NTRK2: variants seen among roughly 807,000 people sequenced by gnomAD.
The protein encoded by NTRK2 is BDNF/NT-3 growth factors receptor.
NTRK2 carries 13 observed loss-of-function variants against 94.5 expected under a neutral mutation model. The ratio of observed to expected loss-of-function variants is 0.14; its 90% CI spans 0.09 to 0.22. NTRK2 has a LOEUF of 0.22. Ranked by LOEUF, NTRK2 falls within the 10% of genes least tolerant of loss-of-function variation. The pLI is 1.00. For synonymous variants in NTRK2, 372 were observed against 407.4 expected (o/e 0.91, Z 1.05); for missense variants, 639 against 1,071.2 (o/e 0.60, Z 5.63).
At chr9:84,951,986 C>T (rs561501866) in intron 16 of NTRK2, among the ~76,000 whole-genome samples, 2 of 152,302 alleles carry the variant, frequency 1.3e-5, no homozygotes, top group African/African-American at 4.8e-5. Context: ...AAACACATGT[C>T]TTTGCTTGCA....
At chr9:84,961,717 A>C (rs2133052237) in intron 17 of NTRK2, among the ~76,000 whole-genome samples, 1 of 152,358 alleles carries the variant, frequency 6.6e-6, no homozygotes, top group South Asian at 2.1e-4. Flanking sequence ...CCTAGGCTCT[A>C]CTTTGAGGAG....
At chr9:84,970,478 C>T (rs1427066021) in intron 17 of NTRK2, among the ~76,000 whole-genome samples, 2 of 152,066 alleles carry the variant, frequency 1.3e-5, no homozygotes, top group African/African-American at 4.8e-5. Flanking sequence ...TTAAATAGTG[C>T]CTACCTCATA....
chr9:84,869,180 A>T (rs1227113993), intron 14 of NTRK2, among the ~76,000 whole-genome samples: 1 of 152,150 alleles, frequency 6.6e-6, no homozygotes, highest in African/African-American at 2.4e-5. Context: ...CTTAATCTGG[A>T]GTCTGTGGAG....
At chr9:84,858,443 C>G (rs1176192340) in intron 12 of NTRK2, among the ~76,000 whole-genome samples, 1 of 152,054 alleles carries the variant, frequency 6.6e-6, no homozygotes, top group Non-Finnish European at 1.5e-5. Context: ...CCCCAACCCC[C>G]CTTCCAGCTG....
In NTRK2 at chr9:84,888,368, C is replaced by T. The variant is rs77328641; in HGVS notation, c.1633+20937C>T. Among the ~76,000 whole-genome samples the T allele has an allele frequency of 4.7e-3, 717 of 151,718 alleles. 12 individuals carry two copies. The highest frequency in any genetic ancestry group is 0.037 in the Admixed American group (569 of 15,236). On this transcript the variant is annotated intron_variant, in intron 14 of 18. Transcript: ENST00000277120. ...AGGCAGAAAGTGGCAGAGAACACTT[C>T]GGGAGGACATGGCGGGTGGATCACA...
chr9:84,978,257 T>C (rs1444671064), intron 17 of NTRK2, among the ~76,000 whole-genome samples: 2 of 152,148 alleles, frequency 1.3e-5, no homozygotes, highest in East Asian at 3.9e-4. Context: ...TGCCAAGTTG[T>C]GAATGCAAAG....
At chr9:84,891,996 T>C (rs1285941233) in intron 14 of NTRK2, among the ~76,000 whole-genome samples, 1 of 151,838 alleles carries the variant, frequency 6.6e-6, no homozygotes, top group African/African-American at 2.4e-5. Context: ...AGCTGCAGAG[T>C]ATGGTTTTAG....
chr9:84,916,606 C>G (rs1379952365), intron 14 of NTRK2, among the ~76,000 whole-genome samples: 1 of 152,176 alleles, frequency 6.6e-6, no homozygotes, highest in Non-Finnish European at 1.5e-5. Context: ...ACAGTGGACT[C>G]CAGATCCCAT....
At chr9:84,792,962 G>T (rs1442184967) in intron 12 of NTRK2, among the ~76,000 whole-genome samples, 2 of 152,126 alleles carry the variant, frequency 1.3e-5, no homozygotes, top group African/African-American at 4.8e-5. Context: ...GCTACATAAT[G>T]TGTAGCTGTA....
chr9:85,008,591 C>T (rs951556786), intron 17 of NTRK2, among the ~76,000 whole-genome samples: 5 of 152,068 alleles, frequency 3.3e-5, no homozygotes, highest in East Asian at 1.9e-4. Context: ...AGAGGTAAGA[C>T]GTAATAAGTA....
At chr9:84,981,148 T>A (rs534088771) in intron 17 of NTRK2, among the ~76,000 whole-genome samples, 1 of 152,360 alleles carries the variant, frequency 6.6e-6, no homozygotes, top group South Asian at 2.1e-4. Flanking sequence ...TGGTGCAATC[T>A]CAGCTAATTG....
chr9:84,984,949 A>G (rs1309661290), intron 17 of NTRK2, among the ~76,000 whole-genome samples: 1 of 152,248 alleles, frequency 6.6e-6, no homozygotes, highest in Non-Finnish European at 1.5e-5. Context: ...TAAAACAGTG[A>G]AACTGTGGAG....
At chr9:84,807,884 A>G (rs889911639) in intron 12 of NTRK2, among the ~76,000 whole-genome samples, 5 of 152,190 alleles carry the variant, frequency 3.3e-5, no homozygotes, top group Non-Finnish European at 7.3e-5. Context: ...ACAGTATGGG[A>G]AGATCAAGGG....
intron 17 of NTRK2, among the ~76,000 whole-genome samples, chr9:84,993,508 T>C (rs1428971373): frequency 1.3e-5 from 2 of 152,230 alleles, no homozygotes; most frequent in African/African-American, 4.8e-5. Context: ...GCCATCAAAC[T>C]TTCTGGGCAG....
At chr9:84,959,442 G>A (rs1431589332) in intron 17 of NTRK2, among the ~76,000 whole-genome samples, 1 of 152,192 alleles carries the variant, frequency 6.6e-6, no homozygotes, top group East Asian at 1.9e-4. Context: ...ACTCATGGTG[G>A]CTTATAAGCA....
intron 12 of NTRK2, among the ~76,000 whole-genome samples, chr9:84,838,244 C>T (rs1051743886): frequency 4.0e-5 from 6 of 151,874 alleles, no homozygotes; most frequent in East Asian, 1.9e-4. Flanking sequence ...AAGAAAATAG[C>T]GACAGAGATG....
intron 9 of NTRK2, among the ~76,000 whole-genome samples, chr9:84,738,040 G>A (rs1302484251): frequency 6.6e-6 from 1 of 151,338 alleles, no homozygotes; most frequent in African/African-American, 2.5e-5. Flanking sequence ...ATCCCAGTGA[G>A]CTGTGGGGAT....
intron 14 of NTRK2, among the ~76,000 whole-genome samples, chr9:84,890,255 A>C (rs182136301): frequency 2.6e-5 from 4 of 152,248 alleles, no homozygotes; most frequent in African/African-American, 9.6e-5. Flanking sequence ...CTTCAATAAA[A>C]CATGGTGGTG....
chr9:84,670,558 C>A lies in NTRK2; in HGVS notation c.-191C>A. On this transcript the variant is annotated 5_prime_UTR_variant, in exon 2 of 19. Coordinates refer to ENST00000277120, the MANE Select transcript of NTRK2 (RefSeq NM_006180.6). ...TTCGCTATGCCGGGGCCACTGTGAACCCTGCCGCCTGCCGGAACACTCTTC... is the reference window on the plus strand; with the variant it reads ...TTCGCTATGCCGGGGCCACTGTGAAACCTGCCGCCTGCCGGAACACTCTTC... The A allele has an allele frequency of 3.1e-6, 2 of 638,024 alleles. No individual in the cohort carries two copies. Among genetic ancestry groups the A allele is most frequent in the Non-Finnish European group, 5.5e-6 (2 of 361,828 alleles). 39.5% of individuals were successfully genotyped at this position (638,024 alleles called of 1,614,324 possible). A position where few individuals can be genotyped will look rare whatever the true frequency, so the allele number is the denominator to read the frequency against.
Sources: allele counts gnomAD v4.1 joint callset (sites outside exome capture counted in the v4.1 genomes callset), GRCh38; gene constraint gnomAD v4.1.1; transcripts MANE v1.5; gene names NCBI Gene and HGNC (gene_info 2026-07-23, HGNC 2026-07-21).